Variants in SMPD4 observed in about 807,000 individuals in gnomAD.
SMPD4 encodes neutral sphingomyelinase 3.
In SMPD4, 58 loss-of-function variants were observed where a neutral mutation model predicts 97.8. That is an observed-to-expected ratio of 0.59 (90% CI 0.48 to 0.74). The LOEUF (loss-of-function observed/expected upper bound fraction) is 0.74, where lower values mean the gene tolerates loss of function less well. SMPD4 is among the 30% of genes least tolerant of loss of function. The pLI is 0.00. For missense variants in SMPD4, 853 were observed against 1,080.5 expected, an observed-to-expected ratio of 0.79 and a Z score of 2.95; for synonymous variants, 388 against 450.0, an observed-to-expected ratio of 0.86 and a Z score of 1.74.
intron 9 of SMPD4, among the ~76,000 whole-genome samples, chr2:130,165,015 T>G (rs1687785821): frequency 7.1e-6 from 1 of 139,900 alleles, no homozygotes; most frequent in Non-Finnish European, 1.5e-5. Flanking sequence ...GAGTCTGAGG[T>G]GGGAGGATTG....
chr2:130,177,607 G>A (rs533262845), intron 1 of SMPD4, among the ~76,000 whole-genome samples: 31 of 151,146 alleles, frequency 2.1e-4, no homozygotes, highest in Non-Finnish European at 3.7e-4. Context: ...TGAGACCCGA[G>A]AATCACTTGA....
At chr2:130,162,167 G>T (rs895883268) in intron 10 of SMPD4, among the ~76,000 whole-genome samples, 1 of 152,266 alleles carries the variant, frequency 6.6e-6, no homozygotes, top group Non-Finnish European at 1.5e-5. Flanking sequence ...AGCCCCTGAG[G>T]ATCTGGCCAC....
intron 11 of SMPD4, among the ~76,000 whole-genome samples, chr2:130,160,001 C>T (rs1687234092): frequency 1.3e-5 from 2 of 152,208 alleles, no homozygotes; most frequent in Admixed American, 1.3e-4. Flanking sequence ...CTGAGCCAAA[C>T]TTCTCCCTCA....
intron 9 of SMPD4, among the ~76,000 whole-genome samples, chr2:130,164,682 A>C (rs745711631): frequency 1.3e-5 from 2 of 152,236 alleles, no homozygotes; most frequent in African/African-American, 2.4e-5. Context: ...AGAAAACTTC[A>C]TAACACTAGA....
intron 11 of SMPD4, chr2:130,157,768 T>G: frequency 3.5e-6 from 1 of 281,716 alleles, no homozygotes; most frequent in Non-Finnish European, 6.9e-6. Context: ...CCTGTCTTGA[T>G]CCCCAGGGCA....
At position 130,176,673 on chromosome 2, in the gene SMPD4, AAC is replaced by A; in HGVS notation, c.-45-38_-45-37del. On this transcript the variant is annotated intron_variant, in intron 1 of 19. Transcript: ENST00000680298. ...ACAAAGACAAAATCTCAACATCTGT[AAC>A]ACAGCAGAATCTTTTTATATTATTT... 3 of 1,493,698 alleles carry A rather than the reference AAC, an allele frequency of 2.0e-6. 1 individual carries two copies. The South Asian group carries it at 3.5e-5, about 17-fold the overall frequency. 92.5% of individuals were successfully genotyped at this position (1,493,698 alleles called of 1,614,324 possible).
intron 1 of SMPD4, 127 bp from the exon 2 acceptor site, chr2:130,176,764 T>C: frequency 2.9e-6 from 2 of 687,748 alleles, no homozygotes; most frequent in South Asian, 1.9e-5. Flanking sequence ...CATAGCTCAC[T>C]GCAACCTCAA....
chr2:130,177,052 C>T (rs906274678), intron 1 of SMPD4, among the ~76,000 whole-genome samples: 4 of 152,106 alleles, frequency 2.6e-5, no homozygotes, highest in East Asian at 1.9e-4. Context: ...ATTACCAATT[C>T]GCAACACACA....
At chr2:130,153,254 GGGA>G in intron 18 of SMPD4, 62 bp downstream of exon 18, 1 of 1,612,720 alleles carries the variant, frequency 6.2e-7, no homozygotes, top group Non-Finnish European at 8.5e-7. Flanking sequence ...CTGCTCACAA[GGGA>G]GGAGGGAGCT....
At chr2:130,170,353 G>A in intron 8 of SMPD4, among the ~76,000 whole-genome samples, 1 of 149,882 alleles carries the variant, frequency 6.7e-6, no homozygotes, top group East Asian at 2.0e-4. Context: ...TGGGTGTGGT[G>A]ACAGGCACCT....
At chr2:130,179,418 G>T (rs559004466) in intron 1 of SMPD4, among the ~76,000 whole-genome samples, 1 of 151,852 alleles carries the variant, frequency 6.6e-6, no homozygotes, top group African/African-American at 2.4e-5. Flanking sequence ...ACCGCGCCCA[G>T]CCTCTTTTTT....
rs146988284 is a variant in SMPD4, at chr2:130,178,868, C to T, written c.-45-2231G>A. On this transcript the variant is annotated intron_variant, in intron 1 of 19. Coordinates refer to ENST00000680298, the MANE Select transcript of SMPD4 (RefSeq NM_017951.5). ...TCCAGAATCCTACCTCTCAGCTCAC[C>T]CAGGTCAGAAATGAAAAATGCTCAG... 6.6e-3 allele frequency among the ~76,000 whole-genome samples: 999 copies of T among 152,112 alleles called. 15 individuals carry two copies. Among genetic ancestry groups the T allele is most frequent in the African/African-American group, 0.023 (963 of 41,498 alleles).
chr2:130,177,903 C>A (rs187779870), intron 1 of SMPD4, among the ~76,000 whole-genome samples: 1 of 152,202 alleles, frequency 6.6e-6, no homozygotes, highest in African/African-American at 2.4e-5. Context: ...AGATTCCCGA[C>A]CCCTGTTTGT....
intron 9 of SMPD4, among the ~76,000 whole-genome samples, chr2:130,166,120 G>C (rs1393256853): frequency 2.0e-5 from 3 of 151,812 alleles, no homozygotes; most frequent in Non-Finnish European, 2.9e-5. Context: ...TCAGGAGTTC[G>C]AGACATGGTG....
rs1322695951 is a variant in SMPD4, at chr2:130,158,359, C to T, written c.952-963G>A. 6 of 718,776 alleles carry T rather than the reference C, an allele frequency of 8.3e-6. No individual in the cohort carries two copies. In the African/African-American group the frequency reaches 1.1e-4, roughly 14 times the overall value. The allele number at this position is 718,776 out of a possible 1,614,324, so 44.5% of individuals were successfully genotyped here. ...TTGAGACAACGTCTCCCTCTGTCGC[C>T]CAGGCTGGAGCACAGTGGCGCAATC... On this transcript the variant is annotated intron_variant, in intron 11 of 19. Coordinates refer to ENST00000680298, the MANE Select transcript of SMPD4 (RefSeq NM_017951.5).
intron 13 of SMPD4, 162 bp from the exon 14 acceptor site, chr2:130,156,297 G>C (rs1243092175): frequency 1.4e-6 from 1 of 716,104 alleles, no homozygotes; most frequent in African/African-American, 1.8e-5. Flanking sequence ...GGCTCTTGCT[G>C]GCCCTCCAGA....
chr2:130,181,273 G>C (rs1460525957), intron 1 of SMPD4: 1 of 1,384,186 alleles, frequency 7.2e-7, no homozygotes, highest in African/African-American at 1.5e-5. Context: ...TTCAACGAAG[G>C]TTAACCTTCA....
chr2:130,157,552 C>T, intron 11 of SMPD4, 156 bp from the exon 12 acceptor site: 9 of 1,419,846 alleles, frequency 6.3e-6, no homozygotes, highest in South Asian at 1.4e-5. Context: ...CATGGGGCAC[C>T]ACTGTGCCTG....
Position 130,156,773 on chromosome 2 carries a change from G to A in SMPD4, c.1098-98C>T, listed in dbSNP as rs113975436. On this transcript the variant is annotated intron_variant, in intron 12 of 19. Coordinates refer to ENST00000680298, the MANE Select transcript of SMPD4 (RefSeq NM_017951.5). ...CCCATCAGTGAGGGTTGGCTCCGCCGGGGGAGAGCACTGGGCACCTCCGGG... is the reference window on the plus strand; with the variant it reads ...CCCATCAGTGAGGGTTGGCTCCGCCAGGGGAGAGCACTGGGCACCTCCGGG... 665 of 1,553,258 alleles carry A rather than the reference G, an allele frequency of 4.3e-4. 8 individuals are homozygous for A. The African/African-American group carries it at 8.1e-3, about 19-fold the overall frequency.
Sources: allele counts gnomAD v4.1 joint callset (sites outside exome capture counted in the v4.1 genomes callset), GRCh38; gene constraint gnomAD v4.1.1; transcripts MANE v1.5; gene names NCBI Gene and HGNC (gene_info 2026-07-23, HGNC 2026-07-21).